Variants in HS6ST3 observed in about 807,000 individuals in gnomAD.
HS6ST3 encodes the protein heparan-sulfate 6-O-sulfotransferase 3.
A neutral mutation model predicts 36.7 loss-of-function variants in HS6ST3; 12 were observed. The observed-to-expected ratio is 0.33, with a 90% confidence interval of 0.21 to 0.53. The LOEUF is 0.53. Among genes scored for constraint, HS6ST3 ranks in the 20% least tolerant of loss-of-function variants. HS6ST3 has a pLI of 0.95. For synonymous variants in HS6ST3, 240 were observed against 257.5 expected, an observed-to-expected ratio of 0.93 and a Z score of 0.65; for missense variants, 584 against 640.9, an observed-to-expected ratio of 0.91 and a Z score of 0.96.
intron 1 of HS6ST3, among the ~76,000 whole-genome samples, chr13:96,417,784 C>T (rs183693885): frequency 2.0e-5 from 3 of 149,700 alleles, no homozygotes; most frequent in South Asian, 2.1e-4. Context: ...TCATTATTCA[C>T]GGTAACGATG....
intron 1 of HS6ST3, among the ~76,000 whole-genome samples, chr13:96,753,906 G>A (rs550102130): frequency 3.3e-5 from 5 of 151,860 alleles, no homozygotes; most frequent in Admixed American, 6.6e-5. Context: ...TGCAACCTGC[G>A]CCTCCTGGGT....
chr13:96,722,315 G>T (rs1015751195), intron 1 of HS6ST3, among the ~76,000 whole-genome samples: 5 of 152,034 alleles, frequency 3.3e-5, no homozygotes, highest in Non-Finnish European at 7.4e-5. Flanking sequence ...GTTTTCACTG[G>T]CAAAGCCAAA....
rs139108018 is a variant in HS6ST3 at position 96,598,706 on chromosome 13, C to G, written c.708-233784C>G. On this transcript the variant is annotated intron_variant, in intron 1 of 1. Coordinates refer to ENST00000376705, the MANE Select transcript of HS6ST3 (RefSeq NM_153456.4). The stretch of plus-strand genomic sequence containing the variant: ...ATTGCTCAGGCTAGGACTTCCAGAG[C>G]TATGTTGTGTAGAAGTGATGAGTGT... Among the ~76,000 whole-genome samples the G allele has an allele frequency of 1.8e-3, 271 of 152,226 alleles. 7 individuals carry two copies. The South Asian group carries it at 0.028, about 15-fold the overall frequency.
At chr13:96,581,569 GA>G in intron 1 of HS6ST3, among the ~76,000 whole-genome samples, 1 of 152,222 alleles carries the variant, frequency 6.6e-6, no homozygotes, top group Non-Finnish European at 1.5e-5. Context: ...ACTGCCGGAA[GA>G]AGTAGCACCA....
chr13:96,157,664 G>T (rs914384252), intron 1 of HS6ST3, among the ~76,000 whole-genome samples: 1 of 152,116 alleles, frequency 6.6e-6, no homozygotes, highest in Non-Finnish European at 1.5e-5. Flanking sequence ...GAACTAGAGG[G>T]TTATATTTTG....
chr13:96,408,997 A>T (rs2055494008), intron 1 of HS6ST3, among the ~76,000 whole-genome samples: 1 of 152,224 alleles, frequency 6.6e-6, no homozygotes. Flanking sequence ...GACCAGAGGA[A>T]TGTGCCATTT....
intron 1 of HS6ST3, among the ~76,000 whole-genome samples, chr13:96,378,789 C>G (rs9516672): frequency 0.037 from 5,624 of 152,258 alleles, 152 homozygotes; most frequent in Non-Finnish European, 0.059. Flanking sequence ...AGGCATACCT[C>G]TACCTATAAA....
At chr13:96,374,546 A>T (rs537889332) in intron 1 of HS6ST3, among the ~76,000 whole-genome samples, 1 of 152,058 alleles carries the variant, frequency 6.6e-6, no homozygotes, top group Non-Finnish European at 1.5e-5. Context: ...CATCCCTCCA[A>T]TGGGCTTGCA....
At chr13:96,525,508 A>G (rs1173304675) in intron 1 of HS6ST3, among the ~76,000 whole-genome samples, 1 of 152,178 alleles carries the variant, frequency 6.6e-6, no homozygotes, top group African/African-American at 2.4e-5. Context: ...AATATAATGC[A>G]GCAGGAACTG....
chr13:96,264,420 C>G (rs2054681471), intron 1 of HS6ST3, among the ~76,000 whole-genome samples: 1 of 152,166 alleles, frequency 6.6e-6, no homozygotes, highest in Non-Finnish European at 1.5e-5. Flanking sequence ...TGCAGAAAAC[C>G]CTGATTTCTA....
At chr13:96,461,123 A>G (rs2055782219) in intron 1 of HS6ST3, among the ~76,000 whole-genome samples, 1 of 152,248 alleles carries the variant, frequency 6.6e-6, no homozygotes, top group Non-Finnish European at 1.5e-5. Flanking sequence ...TTGGTAGCAG[A>G]TAAAAAAGCA....
chr13:96,815,495 G>T (rs1107220), intron 1 of HS6ST3, among the ~76,000 whole-genome samples: 11,825 of 152,252 alleles, frequency 0.078, 526 homozygotes, highest in Non-Finnish European at 0.1. Flanking sequence ...ACATCTCTCA[G>T]TGGGAGAACA....
intron 1 of HS6ST3, among the ~76,000 whole-genome samples, chr13:96,177,539 C>T (rs867968461): frequency 6.6e-6 from 1 of 152,010 alleles, no homozygotes. Flanking sequence ...CCAAATACTG[C>T]ATGTTCTTAT....
At position 96,423,364 on chromosome 13, in the gene HS6ST3, T is replaced by C. The variant is rs147091995; in HGVS notation, c.707+331795T>C. 2.1e-3 allele frequency among the ~76,000 whole-genome samples: 326 copies of C among 152,114 alleles called. 2 individuals carry two copies. Among genetic ancestry groups the C allele is most frequent in the African/African-American group, 7.3e-3 (305 of 41,498 alleles). On this transcript the variant is annotated intron_variant, in intron 1 of 1. Transcript: ENST00000376705. ...AAAGTTTCTTTCCTTGGTGATCTTG[T>C]TTTTTAGTGGAGAAGACAGGAGATG... is the stretch of plus-strand genomic sequence containing the variant.
intron 1 of HS6ST3, among the ~76,000 whole-genome samples, chr13:96,625,654 C>G (rs912033749): frequency 1.5e-4 from 23 of 151,690 alleles, no homozygotes; most frequent in African/African-American, 5.3e-4. Flanking sequence ...TGTTTATAAG[C>G]CTTTTTGTAT....
At chr13:96,485,098 A>G (rs1016963418) in intron 1 of HS6ST3, among the ~76,000 whole-genome samples, 1 of 152,136 alleles carries the variant, frequency 6.6e-6, no homozygotes, top group Admixed American at 6.6e-5. Context: ...AAACCTTAGA[A>G]TCAGTTTATC....
chr13:96,132,854 T>G (rs2053983015), intron 1 of HS6ST3, among the ~76,000 whole-genome samples: 1 of 152,222 alleles, frequency 6.6e-6, no homozygotes, highest in Admixed American at 6.5e-5. Flanking sequence ...GGCTTTAATT[T>G]GCATTTCCCT....
intron 1 of HS6ST3, among the ~76,000 whole-genome samples, chr13:96,343,998 T>G (rs956296407): frequency 6.6e-6 from 1 of 152,196 alleles, no homozygotes; most frequent in Admixed American, 6.5e-5. Flanking sequence ...TGCCTCAGCC[T>G]TCCAAAGTGC....
intron 1 of HS6ST3, among the ~76,000 whole-genome samples, chr13:96,723,747 T>G (rs1254703266): frequency 6.6e-6 from 1 of 152,226 alleles, no homozygotes; most frequent in Non-Finnish European, 1.5e-5. Flanking sequence ...TCAACATGAT[T>G]TTGGTTTAAC....
Sources: allele counts gnomAD v4.1 joint callset (sites outside exome capture counted in the v4.1 genomes callset), GRCh38; gene constraint gnomAD v4.1.1; transcripts MANE v1.5; gene names NCBI Gene and HGNC (gene_info 2026-07-23, HGNC 2026-07-21).